Variants in MBOAT1 observed in about 807,000 individuals in gnomAD.
MBOAT1 encodes membrane-bound glycerophospholipid O-acyltransferase 1.
MBOAT1 carries 67 observed loss-of-function variants against 64.4 expected under a neutral mutation model. The observed-to-expected ratio is 1.04, with a 90% confidence interval of 0.85 to 1.27. The LOEUF is 1.27. Among genes scored for constraint, MBOAT1 ranks in the 50% most tolerant of loss-of-function variants. The pLI is 0.00. For missense variants in MBOAT1, 563 were observed against 604.6 expected (o/e 0.93, Z 0.72); for synonymous variants, 229 against 218.9 (o/e 1.05, Z -0.41).
intron 3 of MBOAT1, among the ~76,000 whole-genome samples, chr6:20,150,562 C>CTTTTTTTTTTTTTTTTTT: frequency 7.4e-6 from 1 of 134,852 alleles, no homozygotes; most frequent in Non-Finnish European, 1.6e-5. Flanking sequence ...TTTCTTTTTC[C>CTTTTTTTTTTTTTTTTTT]TTTTTTTTTT....
intron 12 of MBOAT1, among the ~76,000 whole-genome samples, chr6:20,106,551 T>A (rs1415164457): frequency 6.6e-6 from 1 of 152,216 alleles, no homozygotes; most frequent in South Asian, 2.1e-4. Flanking sequence ...GCCTCCTGAG[T>A]AGCTGGGACT....
intron 4 of MBOAT1, among the ~76,000 whole-genome samples, chr6:20,136,531 A>T (rs961332803): frequency 5.3e-5 from 8 of 152,220 alleles, no homozygotes; most frequent in Non-Finnish European, 1.0e-4. Flanking sequence ...TATGGAACCC[A>T]ATTACTTGAA....
chr6:20,127,834 C>T (rs1383695295), intron 6 of MBOAT1, among the ~76,000 whole-genome samples: 5 of 152,124 alleles, frequency 3.3e-5, no homozygotes, highest in Admixed American at 2.0e-4. Flanking sequence ...CCCACCACCA[C>T]CCGCAACCCT....
intron 1 of MBOAT1, among the ~76,000 whole-genome samples, chr6:20,194,475 G>A (rs1258581451): frequency 6.6e-6 from 1 of 152,146 alleles, no homozygotes. Flanking sequence ...GTATTTTGTA[G>A]AAACCCTCGA....
intron 1 of MBOAT1, among the ~76,000 whole-genome samples, chr6:20,164,200 C>CAA (rs1761948377): frequency 6.8e-6 from 1 of 147,284 alleles, no homozygotes; most frequent in Non-Finnish European, 1.5e-5. Flanking sequence ...CACACACACA[C>CAA]ACACAAACAC....
chr6:20,115,737 G>A (rs543686175), intron 9 of MBOAT1, among the ~76,000 whole-genome samples: 6 of 152,250 alleles, frequency 3.9e-5, no homozygotes, highest in African/African-American at 1.4e-4. Context: ...TGCCGTTATG[G>A]GGACAGCTTA....
At chr6:20,152,332 A>AAAT (rs1418021482) in intron 2 of MBOAT1, among the ~76,000 whole-genome samples, 7 of 110,212 alleles carry the variant, frequency 6.4e-5, no homozygotes, top group African/African-American at 2.4e-4. Flanking sequence ...GTCTCAAAAA[A>AAAT]AAAAAATAAA....
chr6:20,110,351 T>G (rs559600145), intron 11 of MBOAT1, among the ~76,000 whole-genome samples: 1 of 151,922 alleles, frequency 6.6e-6, no homozygotes, highest in South Asian at 2.1e-4. Context: ...TAGCTGAGAC[T>G]AAAGGCACAT....
chr6:20,180,049 G>A (rs148971135), intron 1 of MBOAT1, among the ~76,000 whole-genome samples: 4 of 152,238 alleles, frequency 2.6e-5, no homozygotes, highest in East Asian at 1.9e-4. Context: ...GGGATTTGCC[G>A]GGGGTTGGAT....
chr6:20,200,231 C>T (rs1433132368), intron 1 of MBOAT1, among the ~76,000 whole-genome samples: 1 of 152,204 alleles, frequency 6.6e-6, no homozygotes, highest in Non-Finnish European at 1.5e-5. Context: ...GTTCACCCAA[C>T]ATGCGCTGAA....
chr6:20,156,395 TAC>T (rs1490583882), intron 1 of MBOAT1, among the ~76,000 whole-genome samples: 1 of 152,186 alleles, frequency 6.6e-6, no homozygotes, highest in East Asian at 1.9e-4. Context: ...GCCCTGTATG[TAC>T]AGACTCAACC....
At chr6:20,154,793 C>G (rs1335013817) in intron 1 of MBOAT1, among the ~76,000 whole-genome samples, 1 of 152,168 alleles carries the variant, frequency 6.6e-6, no homozygotes, top group Non-Finnish European at 1.5e-5. Flanking sequence ...GACTCACATT[C>G]CCTAAGACTG....
intron 1 of MBOAT1, among the ~76,000 whole-genome samples, chr6:20,181,145 A>C (rs797008710): frequency 1.2e-4 from 19 of 152,318 alleles, no homozygotes; most frequent in African/African-American, 4.6e-4. Context: ...TTGTGGCTGC[A>C]GTGGGGAGAG....
At chr6:20,178,181 T>C (rs1762407615) in intron 1 of MBOAT1, among the ~76,000 whole-genome samples, 1 of 152,226 alleles carries the variant, frequency 6.6e-6, no homozygotes, top group South Asian at 2.1e-4. Context: ...AAAAATCTAC[T>C]ACTTTGGAAC....
chr6:20,192,694 C>T (rs1385626907), intron 1 of MBOAT1, among the ~76,000 whole-genome samples: 1 of 152,216 alleles, frequency 6.6e-6, no homozygotes, highest in Non-Finnish European at 1.5e-5. Flanking sequence ...TAAAACCTTT[C>T]CCACGCTTCC....
chr6:20,148,234 T>C (rs1306522593), intron 3 of MBOAT1, among the ~76,000 whole-genome samples: 2 of 152,298 alleles, frequency 1.3e-5, no homozygotes, highest in South Asian at 2.1e-4. Flanking sequence ...CTGGCCAACA[T>C]GGTGAAACCC....
In MBOAT1 at chr6:20,151,330, A is replaced by G. The variant is rs572888249; in HGVS notation, c.246-68T>C. On this transcript the variant is annotated intron_variant, in intron 2 of 12. Transcript: ENST00000324607. Reference sequence around the variant, plus strand: ...CATATTAACACAGCTATTGGTCACCAAAACTGTGAATCCATCACTACCCCT... The same window carrying G: ...CATATTAACACAGCTATTGGTCACCGAAACTGTGAATCCATCACTACCCCT... The G allele has an allele frequency of 3.6e-6, 4 of 1,124,988 alleles. No individual in the cohort carries two copies. In the East Asian group the frequency reaches 9.5e-5, roughly 27 times the overall value. 69.7% of individuals were successfully genotyped at this position (1,124,988 alleles called of 1,614,324 possible).
At chr6:20,141,785 G>A (rs1371396731) in intron 4 of MBOAT1, among the ~76,000 whole-genome samples, 2 of 152,160 alleles carry the variant, frequency 1.3e-5, no homozygotes, top group Non-Finnish European at 2.9e-5. Context: ...GCTTGGGGTG[G>A]TCCAGGGTGG....
At chr6:20,122,140 G>GA in intron 8 of MBOAT1, among the ~76,000 whole-genome samples, 1 of 152,228 alleles carries the variant, frequency 6.6e-6, no homozygotes, top group East Asian at 1.9e-4. Flanking sequence ...ACTCCAGCCT[G>GA]GGTGACAAGA....
Sources: gnomAD v4.1 joint callset for allele counts (sites outside exome capture counted in the v4.1 genomes callset) on GRCh38, gnomAD v4.1.1 for gene constraint, MANE v1.5 for transcripts, NCBI Gene and HGNC (gene_info 2026-07-23, HGNC 2026-07-21) for gene names.